Variants in PTPRT observed in about 807,000 individuals in gnomAD.
The protein encoded by PTPRT is protein tyrosine phosphatase receptor type T, also known as receptor-type tyrosine-protein phosphatase T.
In PTPRT, 56 loss-of-function variants were observed where a neutral mutation model predicts 176.8. The observed-to-expected ratio is 0.32, with a 90% CI of 0.26 to 0.40. The LOEUF (loss-of-function observed/expected upper bound fraction) is 0.40. PTPRT is among the 10% of genes least tolerant of loss of function. The probability of loss-of-function intolerance (pLI) is 1.00; values close to 1 mark genes in which losing one functional copy is unlikely to be tolerated. For synonymous variants in PTPRT, 783 were observed against 739.0 expected (o/e 1.06, Z -0.96); for missense variants, 1,540 against 1,908.2 (o/e 0.81, Z 3.60).
chr20:42,061,005 C>T, the PTPRT span, among the ~76,000 whole-genome samples: 1 of 152,084 alleles, frequency 6.6e-6, no homozygotes, highest in Non-Finnish European at 1.5e-5. Context: ...TTCAGTTTCC[C>T]CAGATTTCAA....
chr20:42,646,882 CTTTTTTTTTTTTTT>C (rs1161994908), intron 7 of PTPRT, among the ~76,000 whole-genome samples: 5 of 76,226 alleles, frequency 6.6e-5, no homozygotes, highest in African/African-American at 2.3e-4. Context: ...CTAAGACAGC[CTTTTTTTTTTTTTT>C]TTTTTTTTTT....
At chr20:42,326,965 AC>A (rs66760423) in intron 11 of PTPRT, among the ~76,000 whole-genome samples, 6,239 of 149,060 alleles carry the variant, frequency 0.042, 152 homozygotes, top group East Asian at 0.089. Flanking sequence ...AAAAAAAAAA[AC>A]AACAAAGGAA....
intron 11 of PTPRT, among the ~76,000 whole-genome samples, chr20:42,350,153 A>G (rs1235732224): frequency 6.6e-6 from 1 of 150,792 alleles, no homozygotes; most frequent in Non-Finnish European, 1.5e-5. Context: ...TAAATTTACC[A>G]TAAACATGTT....
chr20:42,595,829 C>T (rs1049952486), intron 7 of PTPRT, among the ~76,000 whole-genome samples: 1 of 152,162 alleles, frequency 6.6e-6, no homozygotes, highest in African/African-American at 2.4e-5. Flanking sequence ...CCTGGCACCT[C>T]ACCCCCACAC....
chr20:42,546,938 G>A (rs1428669499), intron 7 of PTPRT, among the ~76,000 whole-genome samples: 1 of 152,024 alleles, frequency 6.6e-6, no homozygotes, highest in East Asian at 1.9e-4. Flanking sequence ...AGATCTAATA[G>A]TAATGAAAAC....
chr20:42,135,511 A>T (rs1275349588), intron 18 of PTPRT, among the ~76,000 whole-genome samples: 1 of 152,180 alleles, frequency 6.6e-6, no homozygotes, highest in African/African-American at 2.4e-5. Context: ...ATTCTGATAC[A>T]CGTTCAGGTT....
At chr20:42,913,454 C>T (rs187678700) in intron 1 of PTPRT, among the ~76,000 whole-genome samples, 13 of 152,132 alleles carry the variant, frequency 8.5e-5, no homozygotes, top group African/African-American at 3.1e-4. Context: ...GTCTCCCTGC[C>T]TAATTTTTTT....
At chr20:42,257,201 A>G (rs1412831773) in intron 13 of PTPRT, among the ~76,000 whole-genome samples, 1 of 152,210 alleles carries the variant, frequency 6.6e-6, no homozygotes, top group African/African-American at 2.4e-5. Flanking sequence ...GAGAATGTCC[A>G]GAACTGCAGC....
chr20:42,727,272 C>T (rs1047878810), intron 6 of PTPRT, among the ~76,000 whole-genome samples: 1 of 152,142 alleles, frequency 6.6e-6, no homozygotes, highest in African/African-American at 2.4e-5. Flanking sequence ...ATATCTAATC[C>T]TATGTAAGAC....
chr20:43,047,985 C>T (rs574450378), intron 1 of PTPRT, among the ~76,000 whole-genome samples: 2 of 152,248 alleles, frequency 1.3e-5, no homozygotes, highest in South Asian at 2.1e-4. Context: ...GAGGTACAGC[C>T]GTGCCTCAAG....
intron 27 of PTPRT, among the ~76,000 whole-genome samples, chr20:42,090,232 A>G (rs1984464786): frequency 7.0e-6 from 1 of 143,134 alleles, no homozygotes; most frequent in South Asian, 2.2e-4. Flanking sequence ...AGATGGATAA[A>G]TAGATGATTT....
At chr20:42,343,423 C>G (rs2058141589) in intron 11 of PTPRT, among the ~76,000 whole-genome samples, 2 of 152,184 alleles carry the variant, frequency 1.3e-5, no homozygotes, top group Non-Finnish European at 2.9e-5. Context: ...TCATCACAAG[C>G]CATGTCCATT....
At chr20:42,392,635 A>G (rs542865270) in intron 9 of PTPRT, among the ~76,000 whole-genome samples, 1 of 152,322 alleles carries the variant, frequency 6.6e-6, no homozygotes, top group South Asian at 2.1e-4. Context: ...TTCTACCCCT[A>G]TCTTCAGAGA....
At chr20:43,148,782 T>C (rs575208496) in intron 1 of PTPRT, among the ~76,000 whole-genome samples, 1 of 152,250 alleles carries the variant, frequency 6.6e-6, no homozygotes, top group South Asian at 2.1e-4. Flanking sequence ...TTCATATGCC[T>C]CAAAAATGTA....
At chr20:42,859,412 A>G (rs1190854171) in intron 2 of PTPRT, among the ~76,000 whole-genome samples, 2 of 152,116 alleles carry the variant, frequency 1.3e-5, no homozygotes, top group Admixed American at 1.3e-4. Flanking sequence ...TTGTACTTAT[A>G]CCAACAGTGT....
chr20:43,033,791 T>C (rs1986249506), intron 1 of PTPRT, among the ~76,000 whole-genome samples: 1 of 152,158 alleles, frequency 6.6e-6, no homozygotes, highest in Non-Finnish European at 1.5e-5. Context: ...AGGGTATCCC[T>C]GCTCTACAGA....
intron 1 of PTPRT, among the ~76,000 whole-genome samples, chr20:43,072,917 A>G (rs904762367): frequency 1.3e-5 from 2 of 152,160 alleles, no homozygotes; most frequent in Non-Finnish European, 2.9e-5. Flanking sequence ...TTAAGTTTCC[A>G]CCAAGCTCAA....
chr20:42,790,378 C>G (rs2145541482), intron 3 of PTPRT, among the ~76,000 whole-genome samples: 1 of 151,760 alleles, frequency 6.6e-6, no homozygotes, highest in Admixed American at 6.6e-5. Context: ...GGTTTAGGAA[C>G]TGTTGCAACA....
intron 7 of PTPRT, among the ~76,000 whole-genome samples, chr20:42,590,251 G>A (rs1453536436): frequency 6.6e-6 from 1 of 152,058 alleles, no homozygotes; most frequent in Admixed American, 6.5e-5. Flanking sequence ...TATAACTCCA[G>A]CTCTAGCCAC....
Sources: gnomAD v4.1 joint callset for allele counts (sites outside exome capture counted in the v4.1 genomes callset) on GRCh38, gnomAD v4.1.1 for gene constraint, MANE v1.5 for transcripts, NCBI Gene and HGNC (gene_info 2026-07-23, HGNC 2026-07-21) for gene names.